The following FOXP1 variants were observed in gnomAD, a reference collection of about 807,000 sequenced individuals.
The protein encoded by FOXP1 is forkhead box protein P1.
Under a neutral mutation model 98.2 loss-of-function variants are expected in FOXP1, and 15 were observed. That is an observed-to-expected ratio of 0.15 (90% CI 0.10 to 0.24). The LOEUF (loss-of-function observed/expected upper bound fraction) is 0.24. Among genes scored for constraint, FOXP1 ranks in the 10% least tolerant of loss-of-function variants. FOXP1 has a pLI of 1.00. For missense variants in FOXP1, 633 were observed against 848.5 expected (o/e 0.75, Z 3.15); for synonymous variants, 371 against 314.5 (o/e 1.18, Z -1.90).
At chr3:71,012,758 A>C (rs1576148189) in intron 12 of FOXP1, among the ~76,000 whole-genome samples, 2 of 152,106 alleles carry the variant, frequency 1.3e-5, no homozygotes, top group African/African-American at 4.8e-5. Context: ...ACCTGCACAT[A>C]AATCAGCTCA....
At chr3:71,483,398 G>A (rs1249763648) in intron 3 of FOXP1, among the ~76,000 whole-genome samples, 7 of 152,122 alleles carry the variant, frequency 4.6e-5, no homozygotes, top group East Asian at 1.9e-4. Flanking sequence ...ACCAGAGAGC[G>A]GGAACAAAGG....
At chr3:71,050,910 T>A (rs1466203815) in intron 9 of FOXP1, among the ~76,000 whole-genome samples, 1 of 152,232 alleles carries the variant, frequency 6.6e-6, no homozygotes, top group Non-Finnish European at 1.5e-5. Context: ...TTTTTAACAT[T>A]TGGCTTAATT....
rs1242913848 is a variant in FOXP1, at chr3:71,130,571, G to T, written c.181-17934C>A. 4 of 1,598,294 alleles carry T rather than the reference G, an allele frequency of 2.5e-6. No individual in the cohort carries two copies. In the African/African-American group the frequency reaches 5.3e-5, roughly 21 times the overall value. ...GATTTCCGTCTTCTTGCTGTAGATGGGTTCTGGCTGTTTCTGCGAAGCGGG... is the reference window on the plus strand; with the variant it reads ...GATTTCCGTCTTCTTGCTGTAGATGTGTTCTGGCTGTTTCTGCGAAGCGGG... On this transcript the variant is annotated intron_variant, in intron 6 of 20. Coordinates refer to ENST00000649528, the MANE Select transcript of FOXP1 (RefSeq NM_001349338.3).
chr3:71,496,258 A>G (rs566003475), intron 2 of FOXP1, among the ~76,000 whole-genome samples: 1 of 152,360 alleles, frequency 6.6e-6, no homozygotes, highest in Admixed American at 6.5e-5. Context: ...TACGGGTGAC[A>G]CAGAAAAGCA....
intron 7 of FOXP1, among the ~76,000 whole-genome samples, chr3:71,065,384 A>C (rs2052346492): frequency 6.6e-6 from 1 of 152,158 alleles, no homozygotes; most frequent in Non-Finnish European, 1.5e-5. Context: ...CGCCAAGCCG[A>C]CTGCTCCGAG....
intron 2 of FOXP1, among the ~76,000 whole-genome samples, chr3:71,547,641 G>C (rs371359645): frequency 1.3e-5 from 2 of 152,228 alleles, no homozygotes; most frequent in African/African-American, 4.8e-5. Flanking sequence ...CCAAGGCAGA[G>C]AAGAATGTGA....
At position 71,127,643 on chromosome 3, in the gene FOXP1, A is replaced by T. The variant is rs60176049; in HGVS notation, c.181-15006T>A. Among the ~76,000 whole-genome samples the T allele has an allele frequency of 5.7e-3, 874 of 152,256 alleles. 10 individuals are homozygous for T. Among genetic ancestry groups the T allele is most frequent in the African/African-American group, 0.02 (838 of 41,550 alleles). The stretch of plus-strand genomic sequence containing the variant: ...GTCACAGGAAAAAATGCTTCTCATG[A>T]TCTCTAGATCACAGCGCTTCCAGGT... On this transcript the variant is annotated intron_variant, in intron 6 of 20. Transcript: ENST00000649528.
At chr3:71,409,228 T>C (rs1019805909) in intron 3 of FOXP1, among the ~76,000 whole-genome samples, 2 of 152,170 alleles carry the variant, frequency 1.3e-5, no homozygotes, top group Non-Finnish European at 2.9e-5. Flanking sequence ...ACAGTCTCCA[T>C]TTCTTTATCC....
At chr3:71,493,296 C>T (rs1361891616) in intron 3 of FOXP1, 130 bp downstream of exon 3, 1 of 152,132 alleles carries the variant, frequency 6.6e-6, no homozygotes. Flanking sequence ...AAGATTACAC[C>T]AGAAAACAAT....
chr3:71,163,750 T>C (rs1053086527), intron 6 of FOXP1, among the ~76,000 whole-genome samples: 1 of 152,206 alleles, frequency 6.6e-6, no homozygotes, highest in Non-Finnish European at 1.5e-5. Flanking sequence ...CATGTGAGCT[T>C]GCTACATAAA....
At chr3:71,447,525 G>C (rs1318837516) in intron 3 of FOXP1, among the ~76,000 whole-genome samples, 1 of 152,172 alleles carries the variant, frequency 6.6e-6, no homozygotes, top group East Asian at 1.9e-4. Flanking sequence ...CCATTCCATT[G>C]TACTTTTCCC....
intron 4 of FOXP1, among the ~76,000 whole-genome samples, chr3:71,354,986 T>G (rs139175118): frequency 6.6e-6 from 1 of 152,328 alleles, no homozygotes; most frequent in African/African-American, 2.4e-5. Flanking sequence ...CACAATATCC[T>G]TCAGGCTCAA....
chr3:71,306,371 TCTA>T (rs996316752), intron 4 of FOXP1, among the ~76,000 whole-genome samples: 4 of 152,114 alleles, frequency 2.6e-5, no homozygotes, highest in Non-Finnish European at 5.9e-5. Flanking sequence ...TCCCTGGAGT[TCTA>T]CTATGGGTTG....
Position 70,958,167 on chromosome 3 carries a change from A to G in FOXP1, c.*1080T>C. On this transcript the variant is annotated 3_prime_UTR_variant, in exon 21 of 21. Transcript: ENST00000649528. ...TGCCTATGTTTCCTTGTGCTGGTAG[A>G]ATGTGGTGGCATTTATTAATGGTTG... The G allele has an allele frequency of 2.6e-6, 1 of 386,998 alleles. No individual in the cohort carries two copies. The highest frequency in any genetic ancestry group is 4.9e-6 in the Non-Finnish European group (1 of 203,104). 24.0% of individuals were successfully genotyped at this position (386,998 alleles called of 1,614,324 possible).
Position 70,955,834 on chromosome 3 carries a change from A to G in FOXP1, c.*3413T>C, listed in dbSNP as rs185295985. 1,788 of 163,854 alleles carry G rather than the reference A, an allele frequency of 0.011. 6 individuals carry two copies. The highest frequency in any genetic ancestry group is 0.017 in the Non-Finnish European group (1,283 of 75,460). The allele number at this position is 163,854 out of a possible 1,614,324, so 10.2% of individuals were successfully genotyped here. ...CAGATTAACACACACGCACGCGCGC[A>G]CACACACACACACACACACACAAAA... is the stretch of plus-strand genomic sequence containing the variant. On this transcript the variant is annotated 3_prime_UTR_variant, in exon 21 of 21. Transcript: ENST00000649528.
At chr3:71,404,599 G>T (rs934175017) in intron 3 of FOXP1, among the ~76,000 whole-genome samples, 1 of 151,424 alleles carries the variant, frequency 6.6e-6, no homozygotes, top group Non-Finnish European at 1.5e-5. Context: ...CATAATTGTT[G>T]ACTTTAAATA....
chr3:70,993,171 GA>G (rs2040869418), intron 13 of FOXP1, among the ~76,000 whole-genome samples: 1 of 152,338 alleles, frequency 6.6e-6, no homozygotes, highest in African/African-American at 2.4e-5. Context: ...CTCTGCTACT[GA>G]AACTTGTGCA....
chr3:71,280,121 TCAAA>T (rs1239992428), intron 5 of FOXP1, among the ~76,000 whole-genome samples: 7 of 53,130 alleles, frequency 1.3e-4, no homozygotes, highest in African/African-American at 6.1e-4. Context: ...AGACTCTGTC[TCAAA>T]CAAAAAAAAA....
At chr3:71,295,272 T>C (rs1315542288) in intron 5 of FOXP1, among the ~76,000 whole-genome samples, 3 of 152,222 alleles carry the variant, frequency 2.0e-5, no homozygotes, top group African/African-American at 7.2e-5. Context: ...AAGGTAGTTT[T>C]GAATGGGTTT....
Sources: allele counts gnomAD v4.1 joint callset (sites outside exome capture counted in the v4.1 genomes callset), GRCh38; gene constraint gnomAD v4.1.1; transcripts MANE v1.5; gene names NCBI Gene and HGNC (gene_info 2026-07-23, HGNC 2026-07-21).